The following CPQ variants were observed in gnomAD, a reference collection of about 807,000 sequenced individuals.
CPQ encodes the protein carboxypeptidase Q.
Under a neutral mutation model 45.7 loss-of-function variants are expected in CPQ, and 37 were observed. That is an observed-to-expected ratio of 0.81 (90% CI 0.62 to 1.07). The LOEUF (loss-of-function observed/expected upper bound fraction) is 1.07, where lower values mean the gene tolerates loss of function less well. Ranked by LOEUF, CPQ falls within the 50% of genes least tolerant of loss-of-function variation. The pLI, the probability that CPQ is intolerant of heterozygous loss-of-function variation, is 0.00. For synonymous variants in CPQ, 186 were observed against 205.8 expected (o/e 0.90, Z 0.82); for missense variants, 537 against 572.9 (o/e 0.94, Z 0.64).
chr8:96,716,920 TACACACAC>T (rs926915927), intron 1 of CPQ, among the ~76,000 whole-genome samples: 123 of 146,066 alleles, frequency 8.4e-4, no homozygotes, highest in African/African-American at 3.0e-3. Flanking sequence ...CACACACACA[TACACACAC>T]ACACACGCAA....
At chr8:96,660,468 G>A (rs1815687047) in intron 1 of CPQ, among the ~76,000 whole-genome samples, 1 of 152,046 alleles carries the variant, frequency 6.6e-6, no homozygotes, top group African/African-American at 2.4e-5. Context: ...TGAATTTTGG[G>A]GAACACAATT....
At chr8:97,036,577 T>C (rs964914830) in intron 6 of CPQ, among the ~76,000 whole-genome samples, 2 of 152,222 alleles carry the variant, frequency 1.3e-5, no homozygotes, top group Non-Finnish European at 2.9e-5. Flanking sequence ...TTGCCTAATC[T>C]GCTTTTCATG....
At chr8:96,863,639 T>G (rs908806929) in intron 3 of CPQ, among the ~76,000 whole-genome samples, 1 of 152,056 alleles carries the variant, frequency 6.6e-6, no homozygotes, top group South Asian at 2.1e-4. Flanking sequence ...ATTATATGCA[T>G]TTGCTTCATT....
chr8:96,753,191 G>T (rs1391412705), intron 1 of CPQ, among the ~76,000 whole-genome samples: 4 of 151,990 alleles, frequency 2.6e-5, no homozygotes, highest in Non-Finnish European at 4.4e-5. Flanking sequence ...TATGATGTAT[G>T]TTCTGTCACA....
intron 1 of CPQ, among the ~76,000 whole-genome samples, chr8:96,763,998 A>C (rs970070140): frequency 6.6e-6 from 1 of 152,232 alleles, no homozygotes; most frequent in Non-Finnish European, 1.5e-5. Context: ...ACATACACTT[A>C]CATGGTCCAG....
rs536108498 is a variant in CPQ, at chr8:96,825,754, C to T, written c.434-9219C>T. On this transcript the variant is annotated intron_variant, in intron 2 of 7. Coordinates refer to ENST00000220763, the MANE Select transcript of CPQ (RefSeq NM_016134.4). ...TTAGGGTAGAAATTCTGTTTTGTTACAGTAGTTTCACTCAAGTTTTACTTC... is the reference window on the plus strand; with the variant it reads ...TTAGGGTAGAAATTCTGTTTTGTTATAGTAGTTTCACTCAAGTTTTACTTC... Among the ~76,000 whole-genome samples the T allele has an allele frequency of 1.2e-3, 175 of 152,080 alleles. 2 individuals carry two copies. Among genetic ancestry groups the T allele is most frequent in the African/African-American group, 4.0e-3 (166 of 41,520 alleles).
At chr8:96,772,608 G>A (rs1563493203) in intron 1 of CPQ, among the ~76,000 whole-genome samples, 1 of 152,114 alleles carries the variant, frequency 6.6e-6, no homozygotes, top group Non-Finnish European at 1.5e-5. Context: ...GGACAGATGG[G>A]GGAAGGGACC....
intron 4 of CPQ, among the ~76,000 whole-genome samples, chr8:96,946,008 C>T (rs1171472155): frequency 6.6e-6 from 1 of 152,168 alleles, no homozygotes; most frequent in African/African-American, 2.4e-5. Flanking sequence ...TCATGCTGAC[C>T]TGTTGATGAT....
chr8:96,770,161 A>T (rs1443265465), intron 1 of CPQ, among the ~76,000 whole-genome samples: 1 of 152,116 alleles, frequency 6.6e-6, no homozygotes, highest in East Asian at 1.9e-4. Flanking sequence ...GATAGCAGAG[A>T]AATGGCCATA....
intron 1 of CPQ, among the ~76,000 whole-genome samples, chr8:96,716,831 T>G (rs113418176): frequency 1.3e-5 from 2 of 151,304 alleles, no homozygotes. Flanking sequence ...TGCTTGAACC[T>G]GGGAGGCAGA....
chr8:97,135,666 G>T (rs549526065), intron 7 of CPQ, among the ~76,000 whole-genome samples: 43 of 152,062 alleles, frequency 2.8e-4, no homozygotes, highest in Non-Finnish European at 5.4e-4. Flanking sequence ...ATTATGATCA[G>T]GGAATATCTA....
At chr8:97,077,022 CTG>C (rs1810857587) in intron 7 of CPQ, among the ~76,000 whole-genome samples, 1 of 152,094 alleles carries the variant, frequency 6.6e-6, no homozygotes, top group East Asian at 1.9e-4. Flanking sequence ...GAAGAGAAAA[CTG>C]TTAAGAAAAG....
At chr8:96,943,667 AT>A (rs1389613669) in intron 4 of CPQ, among the ~76,000 whole-genome samples, 1 of 152,134 alleles carries the variant, frequency 6.6e-6, no homozygotes, top group Non-Finnish European at 1.5e-5. Flanking sequence ...AGAAACCTCC[AT>A]TTTCAAAAGA....
intron 2 of CPQ, among the ~76,000 whole-genome samples, chr8:96,787,169 T>C (rs1167398635): frequency 6.6e-6 from 1 of 152,104 alleles, no homozygotes; most frequent in African/African-American, 2.4e-5. Flanking sequence ...TCTCATCTCA[T>C]ATTTTCTTCT....
chr8:96,680,280 A>G (rs1174454206), intron 1 of CPQ, among the ~76,000 whole-genome samples: 1 of 152,072 alleles, frequency 6.6e-6, no homozygotes, highest in African/African-American at 2.4e-5. Flanking sequence ...GAAATTCCCA[A>G]CTGATATGGT....
At chr8:96,968,619 G>C (rs1813610486) in intron 5 of CPQ, among the ~76,000 whole-genome samples, 2 of 152,198 alleles carry the variant, frequency 1.3e-5, no homozygotes, top group Non-Finnish European at 2.9e-5. Flanking sequence ...GACTCCTTTT[G>C]GATGCTATTC....
chr8:96,747,862 T>G lies in CPQ; in HGVS notation c.-34-37002T>G, dbSNP rs768981799. ...CTTGTTTATCTGCCTTTTGACAAGC[T>G]GACCAAATATGCACACTAAAGTTTG... On this transcript the variant is annotated intron_variant, in intron 1 of 7. Transcript: ENST00000220763. Among the ~76,000 whole-genome samples, 17 of 152,308 alleles carry G rather than the reference T, an allele frequency of 1.1e-4. No individual in the cohort carries two copies. The South Asian group carries it at 1.2e-3, about 11-fold the overall frequency.
chr8:96,684,427 G>C (rs1563701925), intron 1 of CPQ, among the ~76,000 whole-genome samples: 1 of 152,218 alleles, frequency 6.6e-6, no homozygotes, highest in Non-Finnish European at 1.5e-5. Flanking sequence ...AGTGGTGTTG[G>C]TGAGGCATGC....
intron 7 of CPQ, among the ~76,000 whole-genome samples, chr8:97,114,086 C>T (rs1563584156): frequency 6.6e-6 from 1 of 152,198 alleles, no homozygotes; most frequent in Non-Finnish European, 1.5e-5. Context: ...CTCCCAACCC[C>T]AGGCACCAGA....
Sources: allele counts gnomAD v4.1 joint callset (sites outside exome capture counted in the v4.1 genomes callset), GRCh38; gene constraint gnomAD v4.1.1; transcripts MANE v1.5; gene names NCBI Gene and HGNC (gene_info 2026-07-23, HGNC 2026-07-21).